The following ITGAE variants were observed in gnomAD, a reference collection of about 807,000 sequenced individuals.
The protein encoded by ITGAE is integrin subunit alpha E, also known as integrin alpha-E.
A neutral mutation model predicts 136.5 loss-of-function variants in ITGAE; 99 were observed. The observed-to-expected ratio is 0.73, with a 90% CI of 0.62 to 0.86. The LOEUF (loss-of-function observed/expected upper bound fraction) is 0.86. Among genes scored for constraint, ITGAE ranks in the 40% least tolerant of loss-of-function variants. The pLI, the probability that ITGAE is intolerant of heterozygous loss-of-function variation, is 0.00. For synonymous variants in ITGAE, 613 were observed against 591.8 expected, an observed-to-expected ratio of 1.04 and a Z score of -0.52; for missense variants, 1,447 against 1,515.3, an observed-to-expected ratio of 0.95 and a Z score of 0.75.
At chr17:3,738,556 A>G (rs1434069606) in intron 20 of ITGAE, among the ~76,000 whole-genome samples, 1 of 152,226 alleles carries the variant, frequency 6.6e-6, no homozygotes, top group Non-Finnish European at 1.5e-5. Flanking sequence ...GTGGTCCAAT[A>G]GAACGTCTGC....
chr17:3,720,584 CTTTT>C (rs66495360), intron 28 of ITGAE, 182 bp from the exon 29 acceptor site: 414 of 320,718 alleles, frequency 1.3e-3, no homozygotes, highest in Middle Eastern at 2.8e-3. Context: ...CTTCAACTTC[CTTTT>C]TTTTTTTTTT....
intron 13 of ITGAE, 151 bp downstream of exon 13, chr17:3,753,632 T>G: frequency 8.9e-7 from 1 of 1,124,194 alleles, no homozygotes; most frequent in Non-Finnish European, 1.3e-6. Flanking sequence ...CATGCAGAGC[T>G]GAAGCAGAGC....
intron 3 of ITGAE, among the ~76,000 whole-genome samples, chr17:3,762,589 A>ATTT (rs1201695419): frequency 1.5e-4 from 17 of 111,782 alleles, no homozygotes; most frequent in South Asian, 3.0e-4. Flanking sequence ...TCAGACAAGG[A>ATTT]TTTTTTTTTT....
intron 21 of ITGAE, 82 bp downstream of exon 21, chr17:3,734,735 T>TG: frequency 6.4e-7 from 1 of 1,554,492 alleles, no homozygotes; most frequent in Non-Finnish European, 8.8e-7. Context: ...GGGGTGCCAG[T>TG]GAGGGGGCCA....
chr17:3,786,186 AG>A (rs2052794368), intron 1 of ITGAE, among the ~76,000 whole-genome samples: 1 of 150,056 alleles, frequency 6.7e-6, no homozygotes, highest in African/African-American at 2.5e-5. Context: ...AAAAAAAAAA[AG>A]TAAGAGGATG....
At chr17:3,744,496 G>C (rs922421157) in intron 18 of ITGAE, among the ~76,000 whole-genome samples, 2 of 149,998 alleles carry the variant, frequency 1.3e-5, no homozygotes, top group Non-Finnish European at 3.0e-5. Flanking sequence ...GCCCAGGCTG[G>C]AGTGCAGTGG....
intron 19 of ITGAE, among the ~76,000 whole-genome samples, chr17:3,741,268 TA>T: frequency 6.6e-6 from 1 of 150,520 alleles, no homozygotes; most frequent in African/African-American, 2.4e-5. Flanking sequence ...TTTGTATTTT[TA>T]GTAGAGACGG....
chr17:3,751,226 G>A (rs2051856465), intron 15 of ITGAE, among the ~76,000 whole-genome samples: 2 of 151,610 alleles, frequency 1.3e-5, no homozygotes, highest in South Asian at 4.2e-4. Context: ...GGAAGTGCCT[G>A]TTAATACATG....
At chr17:3,794,969 C>G (rs755298097) in intron 1 of ITGAE, among the ~76,000 whole-genome samples, 52 of 152,328 alleles carry the variant, frequency 3.4e-4, no homozygotes, top group Middle Eastern at 3.4e-3. Context: ...ACTCCTGCCT[C>G]CAGGCCTCGA....
chr17:3,753,319 T>C lies in ITGAE; in HGVS notation c.1639A>G (p.Arg547Gly). 6.2e-7 allele frequency: 1 copy of C among 1,614,168 alleles called. No individual in the cohort carries two copies. The highest frequency in any genetic ancestry group is 8.5e-7 in the Non-Finnish European group (1 of 1,180,028). ...TCGCTGAGACGGTACACGTAGACTCTGCCTTCTTCTCCATGAACGTGGTAA... is the reference window on the plus strand; with the variant it reads ...TCGCTGAGACGGTACACGTAGACTCCGCCTTCTTCTCCATGAACGTGGTAA... ...PFYHVHGEEG[R>G]VYVYRLSEQD... Residue 547 changes from arginine (R) to glycine (G), a missense_variant, in exon 14 of 31, where the codon AGA (arginine) becomes GGA (glycine). Transcript: ENST00000263087.
chr17:3,770,428 C>T (rs545059743), intron 2 of ITGAE, among the ~76,000 whole-genome samples: 2 of 152,286 alleles, frequency 1.3e-5, no homozygotes, highest in East Asian at 3.9e-4. Flanking sequence ...CCATGCCCAG[C>T]CCTCAGGGTC....
intron 28 of ITGAE, among the ~76,000 whole-genome samples, chr17:3,722,730 C>G (rs1402820644): frequency 2.0e-5 from 3 of 152,168 alleles, no homozygotes. Flanking sequence ...AGATCAAGTA[C>G]TGCCTTGCTC....
chr17:3,761,357 A>G (rs894673376), intron 5 of ITGAE, 46 bp downstream of exon 5: 1 of 1,559,740 alleles, frequency 6.4e-7, no homozygotes, highest in Non-Finnish European at 8.7e-7. Context: ...GAGACCAAGG[A>G]GATCTCTTTA....
intron 22 of ITGAE, 83 bp from the exon 23 acceptor site, chr17:3,731,266 C>T: frequency 2.0e-6 from 2 of 980,848 alleles, no homozygotes; most frequent in Non-Finnish European, 3.2e-6. Context: ...TGGAACAGAC[C>T]TAGGAGACGA....
intron 26 of ITGAE, 31 bp from the exon 27 acceptor site, chr17:3,723,775 GAACA>G (rs754319365): frequency 2.2e-5 from 35 of 1,602,618 alleles, no homozygotes; most frequent in Non-Finnish European, 2.8e-5. Flanking sequence ...GCGACGCGCT[GAACA>G]AACCAAGCCG....
At chr17:3,785,845 G>T (rs2052780661) in intron 1 of ITGAE, among the ~76,000 whole-genome samples, 1 of 151,702 alleles carries the variant, frequency 6.6e-6, no homozygotes, top group South Asian at 2.1e-4. Flanking sequence ...ATAGAAAGGG[G>T]GGACATCATA....
At chr17:3,755,294 G>A in intron 11 of ITGAE, 33 bp from the exon 12 acceptor site, 2 of 1,526,764 alleles carry the variant, frequency 1.3e-6, no homozygotes, top group Non-Finnish European at 1.8e-6. Flanking sequence ...CCAGATGAGT[G>A]GGAGGGACCC....
rs766646964 is a variant in ITGAE at position 3,751,626 on chromosome 17, G to T, written c.1893+24C>A. The T allele has an allele frequency of 5.6e-6, 9 of 1,600,596 alleles. No homozygotes were observed. The South Asian group carries it at 7.7e-5, about 14-fold the overall frequency. On this transcript the variant is annotated intron_variant, in intron 15 of 30. Coordinates refer to ENST00000263087, the MANE Select transcript of ITGAE (RefSeq NM_002208.5). ...GAGAGGTCAGAGCCCCAGAGGAGAG[G>T]AAGGAGAGGGCCCCATGGGTCACCT...
In ITGAE at chr17:3,753,352, C is replaced by T; in HGVS notation, c.1606G>A (p.Ala536Thr). The T allele has an allele frequency of 6.2e-7, 1 of 1,614,162 alleles. No homozygotes were observed. Among genetic ancestry groups the T allele is most frequent in the Non-Finnish European group, 8.5e-7 (1 of 1,180,024 alleles). ...DGSTDFLLVAAPFYHVHGEEG... is the reference protein window; with the variant it reads ...DGSTDFLLVATPFYHVHGEEG... Reference sequence around the variant, plus strand: ...TCTCCATGAACGTGGTAAAATGGAGCAGCCACCAGCAAGAAGTCCGTGCTT... The same window carrying T: ...TCTCCATGAACGTGGTAAAATGGAGTAGCCACCAGCAAGAAGTCCGTGCTT... Residue 536 changes from alanine (A) to threonine (T), a missense_variant, in exon 14 of 31, where the codon GCT (alanine) becomes ACT (threonine). Ala to Thr is a moderately conservative substitution (Grantham distance 58, BLOSUM62 0). Coordinates refer to ENST00000263087, the MANE Select transcript of ITGAE (RefSeq NM_002208.5).
Sources: gnomAD v4.1 joint callset for allele counts (sites outside exome capture counted in the v4.1 genomes callset) on GRCh38, gnomAD v4.1.1 for gene constraint, MANE v1.5 for transcripts, NCBI Gene and HGNC (gene_info 2026-07-23, HGNC 2026-07-21) for gene names.